Variants in SYTL5 observed in about 807,000 individuals in gnomAD.
SYTL5 encodes synaptotagmin-like protein 5.
Under a neutral mutation model 55.9 loss-of-function variants are expected in SYTL5, and 34 were observed. That is an observed-to-expected ratio of 0.61 (90% CI 0.46 to 0.81). The LOEUF (loss-of-function observed/expected upper bound fraction) is 0.81. Ranked by LOEUF, SYTL5 falls within the 30% of genes least tolerant of loss-of-function variation. The pLI is 0.00. For synonymous variants in SYTL5, 221 were observed against 188.7 expected (o/e 1.17, Z -1.40); for missense variants, 637 against 546.7 (o/e 1.17, Z -1.65).
chrX:37,925,631 T>C, the SYTL5 span, among the ~76,000 whole-genome samples: 1 of 111,198 alleles, frequency 9.0e-6, no homozygotes, highest in African/African-American at 3.3e-5. Flanking sequence ...CCATAGGTTT[T>C]TGGGGAACAG....
chrX:37,903,235 A>G, the SYTL5 span, among the ~76,000 whole-genome samples: 1 of 110,077 alleles, frequency 9.1e-6, no homozygotes, highest in Non-Finnish European at 1.9e-5. Flanking sequence ...ATGCTGCTAT[A>G]AAGACACATG....
the SYTL5 span, among the ~76,000 whole-genome samples, chrX:37,922,078 T>A: frequency 8.9e-6 from 1 of 112,314 alleles, no homozygotes; most frequent in Non-Finnish European, 1.9e-5. Flanking sequence ...ACATCCACTT[T>A]GAAGCACATT....
At chrX:38,021,737 AT>A (rs1355201389) in intron 1 of SYTL5, among the ~76,000 whole-genome samples, 1 of 112,241 alleles carries the variant, frequency 8.9e-6, no homozygotes, top group Non-Finnish European at 1.9e-5. Flanking sequence ...AGGCCAGGAC[AT>A]TTAATTCCTA....
chrX:38,031,356 T>C (rs975850665), intron 1 of SYTL5, among the ~76,000 whole-genome samples: 1 of 111,667 alleles, frequency 9.0e-6, no homozygotes, highest in Admixed American at 9.5e-5. Flanking sequence ...TTATTTCTCT[T>C]ATATTCTCAC....
chrX:37,971,171 C>T, the SYTL5 span, among the ~76,000 whole-genome samples: 1 of 110,594 alleles, frequency 9.0e-6, no homozygotes, highest in African/African-American at 3.3e-5. Flanking sequence ...AATATATAGA[C>T]GTATTAAGCA....
At chrX:38,031,626 G>A (rs1211714531) in intron 1 of SYTL5, among the ~76,000 whole-genome samples, 1 of 112,153 alleles carries the variant, frequency 8.9e-6, no homozygotes, top group East Asian at 2.8e-4. Context: ...TGTCTTCAAT[G>A]AACCCTGGGT....
chrX:37,947,081 TC>T, the SYTL5 span, among the ~76,000 whole-genome samples: 1 of 111,093 alleles, frequency 9.0e-6, no homozygotes. Flanking sequence ...CCTTAAACTT[TC>T]CTCTTTCATT....
At chrX:38,060,188 C>T (rs142387395) in intron 3 of SYTL5, among the ~76,000 whole-genome samples, 9 of 112,068 alleles carry the variant, frequency 8.0e-5, no homozygotes, top group Middle Eastern at 4.6e-3. Flanking sequence ...ATTTTGCCAT[C>T]AACTAATCTG....
At chrX:38,047,664 G>A (rs1421746054) in intron 2 of SYTL5, among the ~76,000 whole-genome samples, 8 of 112,494 alleles carry the variant, frequency 7.1e-5, no homozygotes, top group East Asian at 5.6e-4. Context: ...TTATGCAGCC[G>A]GCATGAATTT....
intron 3 of SYTL5, among the ~76,000 whole-genome samples, chrX:38,065,409 T>G (rs1290477799): frequency 8.9e-6 from 1 of 112,235 alleles, no homozygotes; most frequent in Non-Finnish European, 1.9e-5. Context: ...TTCATTATGT[T>G]GAAAATTTCT....
rs776938631 is a variant in SYTL5 at position 38,125,389 on chromosome X, T to C, written c.1933T>C (p.Phe645Leu). 14 of 1,208,340 alleles carry C rather than the reference T, an allele frequency of 1.2e-5. No homozygotes were observed. The highest frequency in any genetic ancestry group is 1.6e-5 in the Non-Finnish European group (14 of 893,370). The part of the protein sequence containing the change: ...VNPQWNHTFM[F>L]SGIHPQDIKN... ...CCCTCAGTGGAATCATACATTCATG[T>C]TCAGTGGCATCCATCCCCAGGATAT... is the stretch of plus-strand genomic sequence containing the variant. The change falls in exon 16 of 17, where the codon TTC becomes CTC. Residue 645 changes from phenylalanine (F) to leucine (L), a missense_variant. Physicochemically the swap from Phe to Leu is conservative, Grantham distance 22. Transcript: ENST00000297875.
At chrX:37,896,114 C>T in the SYTL5 span, among the ~76,000 whole-genome samples, 1 of 111,923 alleles carries the variant, frequency 8.9e-6, no homozygotes, top group African/African-American at 3.2e-5. Context: ...CTGTAACATA[C>T]AAATGTAGCA....
intron 1 of SYTL5, among the ~76,000 whole-genome samples, chrX:38,028,352 T>C (rs1406323985): frequency 8.9e-6 from 1 of 112,386 alleles, no homozygotes; most frequent in Admixed American, 9.4e-5. Flanking sequence ...GTTTCTCCAA[T>C]TGTGTCCTGT....
chrX:37,940,916 G>A, the SYTL5 span, among the ~76,000 whole-genome samples: 1 of 110,896 alleles, frequency 9.0e-6, no homozygotes, highest in Non-Finnish European at 1.9e-5. Context: ...CACTCTTCAT[G>A]ACTATTTCTA....
At chrX:38,096,574 T>G (rs1936945126) in intron 9 of SYTL5, among the ~76,000 whole-genome samples, 1 of 111,443 alleles carries the variant, frequency 9.0e-6, no homozygotes, top group African/African-American at 3.2e-5. Context: ...GATTACATAT[T>G]TATATCAACA....
At chrX:38,047,733 C>T (rs1935507082) in intron 2 of SYTL5, among the ~76,000 whole-genome samples, 1 of 111,987 alleles carries the variant, frequency 8.9e-6, no homozygotes, top group Non-Finnish European at 1.9e-5. Context: ...TGCTTTGTTT[C>T]CCTTTTAAAA....
the SYTL5 span, among the ~76,000 whole-genome samples, chrX:37,993,220 A>G: frequency 3.6e-5 from 4 of 112,366 alleles, no homozygotes; most frequent in East Asian, 1.1e-3. Flanking sequence ...AATGAAAATA[A>G]CTTACCTAAT....
At chrX:38,123,902 A>T (rs1937599677) in intron 15 of SYTL5, among the ~76,000 whole-genome samples, 1 of 112,037 alleles carries the variant, frequency 8.9e-6, no homozygotes, top group Non-Finnish European at 1.9e-5. Flanking sequence ...CCCTCTGTAA[A>T]GTTTAATAAT....
the SYTL5 span, among the ~76,000 whole-genome samples, chrX:37,889,130 T>C: frequency 3.6e-5 from 4 of 111,877 alleles, no homozygotes; most frequent in African/African-American, 1.3e-4. Flanking sequence ...AGGCAGAAGA[T>C]ACTGAATTAA....
Sources: allele counts gnomAD v4.1 joint callset (sites outside exome capture counted in the v4.1 genomes callset), GRCh38; gene constraint gnomAD v4.1.1; transcripts MANE v1.5; gene names NCBI Gene and HGNC (gene_info 2026-07-23, HGNC 2026-07-21).